Variants in CWF19L2 observed in about 807,000 individuals in gnomAD.
CWF19L2 encodes the protein CWF19-like protein 2.
In CWF19L2, 98 loss-of-function variants were observed where a neutral mutation model predicts 111.7. The ratio of observed to expected loss-of-function variants is 0.88; its 90% CI spans 0.75 to 1.04. The LOEUF is 1.04. Among genes scored for constraint, CWF19L2 ranks in the 50% least tolerant of loss-of-function variants. The pLI is 0.00. For missense variants in CWF19L2, 1,101 were observed against 1,051.4 expected (o/e 1.05, Z -0.65); for synonymous variants, 351 against 342.9 (o/e 1.02, Z -0.26).
At chr11:107,426,803 T>G (rs1372422583) in intron 8 of CWF19L2, among the ~76,000 whole-genome samples, 2 of 151,604 alleles carry the variant, frequency 1.3e-5, no homozygotes, top group East Asian at 3.9e-4. Context: ...TACATTAAGT[T>G]AAATATATAT....
rs1156633118 is a variant in CWF19L2, at chr11:107,455,669, T to C, written c.213A>G (p.Ser71=). The change falls in exon 2 of 18, where the codon TCA becomes TCG. Residue 71 remains serine (S), a synonymous_variant. Coordinates refer to ENST00000282251, the MANE Select transcript of CWF19L2 (RefSeq NM_152434.3). ...PDVNERIEQF[S]QEHSVKKKKK... ...ACGTAAACCTGTTAGTATTCACCTG[T>C]GAGAACTGTTCAATTCTCTCATTCA... The C allele has an allele frequency of 6.5e-7, 1 of 1,533,266 alleles. No homozygotes were observed. Among genetic ancestry groups the C allele is most frequent in the East Asian group, 2.5e-5 (1 of 40,726 alleles). 95.0% of individuals were successfully genotyped at this position (1,533,266 alleles called of 1,614,324 possible).
chr11:107,451,329 A>C (rs1861775708), intron 3 of CWF19L2, among the ~76,000 whole-genome samples: 3 of 152,196 alleles, frequency 2.0e-5, no homozygotes. Context: ...GTGCTATGAG[A>C]AAATTTTATA....
chr11:107,330,739 T>C (rs1433552715), intron 16 of CWF19L2, among the ~76,000 whole-genome samples: 3 of 151,634 alleles, frequency 2.0e-5, no homozygotes, highest in East Asian at 1.9e-4. Context: ...GTTTTCTCTA[T>C]CAATTAAGTA....
chr11:107,451,156 T>C (rs979766758), intron 3 of CWF19L2, among the ~76,000 whole-genome samples: 4 of 151,774 alleles, frequency 2.6e-5, no homozygotes, highest in African/African-American at 9.7e-5. Flanking sequence ...AACATAATAA[T>C]TAAAATCAAA....
chr11:107,428,836 T>G lies in CWF19L2; in HGVS notation c.1396A>C (p.Lys466Gln). 6.2e-7 allele frequency: 1 copy of G among 1,612,138 alleles called. No individual in the cohort carries two copies. Among genetic ancestry groups the G allele is most frequent in the South Asian group, 1.1e-5 (1 of 90,728 alleles). Residue 466 changes from lysine (K) to glutamine (Q), a missense_variant, in exon 8 of 18, where the codon AAA becomes CAA. Transcript: ENST00000282251. ...GACTTTGTATCCCGTAGATGTTCTT[T>G]TTTTGGAGGGTCATCTCTCAAGACT... ...DEVLRDDPPK[K>Q]EHLRDTKSTF...
At chr11:107,413,223 G>C (rs1005928742) in intron 10 of CWF19L2, among the ~76,000 whole-genome samples, 3 of 152,126 alleles carry the variant, frequency 2.0e-5, no homozygotes, top group South Asian at 2.1e-4. Flanking sequence ...CTTATGGAGG[G>C]GCAGGAAGTG....
At chr11:107,351,360 A>G (rs1460165989) in intron 13 of CWF19L2, among the ~76,000 whole-genome samples, 1 of 152,196 alleles carries the variant, frequency 6.6e-6, no homozygotes, top group African/African-American at 2.4e-5. Context: ...CATTTACTAA[A>G]AAGAGGAAGA....
chr11:107,332,428 A>G (rs541035535), intron 16 of CWF19L2, among the ~76,000 whole-genome samples: 18 of 152,262 alleles, frequency 1.2e-4, no homozygotes, highest in African/African-American at 3.8e-4. Flanking sequence ...AAGAAAATGA[A>G]CAAAATGGGC....
At chr11:107,385,921 T>C (rs1398785051) in intron 12 of CWF19L2, among the ~76,000 whole-genome samples, 1 of 152,228 alleles carries the variant, frequency 6.6e-6, no homozygotes, top group Admixed American at 6.5e-5. Flanking sequence ...AATAATAGCC[T>C]GAAACTGCGA....
chr11:107,430,811 C>T (rs1861455574), intron 7 of CWF19L2, among the ~76,000 whole-genome samples: 1 of 151,548 alleles, frequency 6.6e-6, no homozygotes, highest in African/African-American at 2.4e-5. Flanking sequence ...ATGAGGACTA[C>T]AGTTAATAAT....
At chr11:107,385,997 G>A (rs1860759695) in intron 12 of CWF19L2, among the ~76,000 whole-genome samples, 1 of 152,034 alleles carries the variant, frequency 6.6e-6, no homozygotes, top group Non-Finnish European at 1.5e-5. Context: ...CTCTTACTAT[G>A]TCTATCAATT....
intron 3 of CWF19L2, among the ~76,000 whole-genome samples, chr11:107,454,183 G>A (rs1437900429): frequency 6.6e-6 from 1 of 152,202 alleles, no homozygotes. Context: ...CCAGGTAATT[G>A]TTACAGCAGG....
intron 3 of CWF19L2, among the ~76,000 whole-genome samples, chr11:107,451,375 G>A (rs1861776235): frequency 6.6e-6 from 1 of 152,024 alleles, no homozygotes; most frequent in Non-Finnish European, 1.5e-5. Flanking sequence ...TCAAATCAGT[G>A]GCGATACATT....
chr11:107,415,124 T>G (rs1297573073), intron 10 of CWF19L2, among the ~76,000 whole-genome samples: 1 of 152,146 alleles, frequency 6.6e-6, no homozygotes, highest in Non-Finnish European at 1.5e-5. Context: ...TATCTCCTAC[T>G]TCCCTCTCTC....
Position 107,454,698 on chromosome 11 carries a change from G to A in CWF19L2, c.217-126C>T, listed in dbSNP as rs1487545316. ...TCAATCTCTGATGAAATAAGACCAA[G>A]AATATGTCTAAATAAATAAAATCTT... On this transcript the variant is annotated intron_variant, in intron 2 of 17. Transcript: ENST00000282251. 32 of 514,658 alleles carry A rather than the reference G, an allele frequency of 6.2e-5. No homozygotes were observed. In the Admixed American group the frequency reaches 8.5e-4, roughly 14 times the overall value. 31.9% of individuals were successfully genotyped at this position (514,658 alleles called of 1,614,324 possible).
chr11:107,336,105 C>A (rs1308747154), intron 15 of CWF19L2, among the ~76,000 whole-genome samples: 1 of 152,036 alleles, frequency 6.6e-6, no homozygotes, highest in Non-Finnish European at 1.5e-5. Context: ...CCTGTAGTCC[C>A]AACTACTCAG....
At chr11:107,437,298 G>A (rs1591204565) in intron 6 of CWF19L2, among the ~76,000 whole-genome samples, 1 of 152,130 alleles carries the variant, frequency 6.6e-6, no homozygotes, top group African/African-American at 2.4e-5. Flanking sequence ...GCCAGAAAAT[G>A]TCTCCACAAT....
Position 107,442,992 on chromosome 11 carries a change from C to T in CWF19L2, c.397G>A (p.Ala133Thr). 6.4e-7 allele frequency: 1 copy of T among 1,551,900 alleles called. No homozygotes were observed. Among genetic ancestry groups the T allele is most frequent in the South Asian group, 1.2e-5 (1 of 84,062 alleles). ...GACTTTTCATCTTTCACTTTCCAGG[C>T]TTTTTCCTTGTCAGGAGTCTGGGAT... Reference protein sequence around the residue: ...VPSQTPDKEKAWKVKDEKSGK... With the variant: ...VPSQTPDKEKTWKVKDEKSGK... The change falls in exon 4 of 18, where the codon GCC (alanine) becomes ACC (threonine). Residue 133 changes from alanine (A) to threonine (T), a missense_variant. Transcript: ENST00000282251.
In CWF19L2 at chr11:107,390,068, T is replaced by C; in HGVS notation, c.1872+6A>G. 4 of 1,611,762 alleles carry C rather than the reference T, an allele frequency of 2.5e-6. No homozygotes were observed. Among genetic ancestry groups the C allele is most frequent in the Non-Finnish European group, 3.4e-6 (4 of 1,178,962 alleles). ...AATTCAGAGGTATCCTAGGAATATA[T>C]CTTACCTTAGATGCCATTCTCATAA... On this transcript the variant is annotated splice_donor_region_variant and intron_variant, in intron 12 of 17. Coordinates refer to ENST00000282251, the MANE Select transcript of CWF19L2 (RefSeq NM_152434.3).
Sources: gnomAD v4.1 joint callset for allele counts (sites outside exome capture counted in the v4.1 genomes callset) on GRCh38, gnomAD v4.1.1 for gene constraint, MANE v1.5 for transcripts, NCBI Gene and HGNC (gene_info 2026-07-23, HGNC 2026-07-21) for gene names.